MYOM3: variants seen among roughly 807,000 people sequenced by gnomAD.
MYOM3 encodes myomesin-3.
MYOM3 carries 155 observed loss-of-function variants against 191.7 expected under a neutral mutation model. The ratio of observed to expected loss-of-function variants is 0.81; its 90% CI spans 0.71 to 0.92. The LOEUF is 0.92. Among genes scored for constraint, MYOM3 ranks in the 40% least tolerant of loss-of-function variants. The pLI is 0.00. For missense variants in MYOM3, 1,889 were observed against 1,890.6 expected, an observed-to-expected ratio of 1.00 and a Z score of 0.02; for synonymous variants, 757 against 762.9, an observed-to-expected ratio of 0.99 and a Z score of 0.13.
chr1:24,060,491 G>C (rs1368601366), intron 35 of MYOM3, among the ~76,000 whole-genome samples: 1 of 152,142 alleles, frequency 6.6e-6, no homozygotes, highest in African/African-American at 2.4e-5. Flanking sequence ...GCCTGCCCGG[G>C]TCTTTCCCTC....
chr1:24,067,080 A>G lies in MYOM3; in HGVS notation c.3364T>C (p.Phe1122Leu). ...ACCTTCCACTGCAACGGCCGCTCAAAATAGGGACCTGTGCGTGCAAAACAA... is the reference window on the plus strand; with the variant it reads ...ACCTTCCACTGCAACGGCCGCTCAAGATAGGGACCTGTGCGTGCAAAACAA... The part of the protein sequence containing the change: ...RDWKRKQGPY[F>L]ERPLQWKVTE... The change falls in exon 28 of 37, where the codon TTT becomes CTT. Residue 1122 changes from phenylalanine to leucine, a missense_variant. Coordinates refer to ENST00000374434, the MANE Select transcript of MYOM3 (RefSeq NM_152372.4). 6.4e-7 allele frequency: 1 copy of G among 1,574,532 alleles called. No individual in the cohort carries two copies. The highest frequency in any genetic ancestry group is 8.6e-7 in the Non-Finnish European group (1 of 1,157,782).
At chr1:24,108,126 C>T (rs755219190) in intron 2 of MYOM3, 53 bp from the exon 3 acceptor site, 1 of 1,558,922 alleles carries the variant, frequency 6.4e-7, no homozygotes. Flanking sequence ...GCTGGGGGCT[C>T]CCTGAGATTA....
chr1:24,065,991 G>A lies in MYOM3; in HGVS notation c.3434C>T (p.Thr1145Ile). 1.2e-6 allele frequency: 2 copies of A among 1,612,692 alleles called. No individual in the cohort carries two copies. Among genetic ancestry groups the A allele is most frequent in the East Asian group, 4.5e-5 (2 of 44,872 alleles). Reference protein sequence around the residue: ...QVQLTCKVTNTKKETRFQWFF... With the variant: ...QVQLTCKVTNIKKETRFQWFF... Reference sequence around the variant, plus strand: ...CCACTGAAAGCGAGTCTCCTTCTTGGTGTTGGTCACCTGGGGAAGGTGGGG... The same window carrying A: ...CCACTGAAAGCGAGTCTCCTTCTTGATGTTGGTCACCTGGGGAAGGTGGGG... The change falls in exon 29 of 37, where the codon ACC becomes ATC. Residue 1145 changes from threonine to isoleucine, a missense_variant. Coordinates refer to ENST00000374434, the MANE Select transcript of MYOM3 (RefSeq NM_152372.4).
At chr1:24,096,663 C>A (rs912591176) in intron 7 of MYOM3, among the ~76,000 whole-genome samples, 2 of 152,140 alleles carry the variant, frequency 1.3e-5, no homozygotes, top group Non-Finnish European at 2.9e-5. Context: ...GGCCTGGGAT[C>A]CACCTGTCTA....
intron 1 of MYOM3, among the ~76,000 whole-genome samples, chr1:24,109,227 G>C (rs1344451710): frequency 2.0e-5 from 3 of 152,184 alleles, no homozygotes; most frequent in Admixed American, 2.0e-4. Flanking sequence ...TTAGCAGAGA[G>C]ACTCTGAGTC....
In MYOM3 at chr1:24,100,910, T is replaced by C. The variant is rs562858900; in HGVS notation, c.561-1135A>G. Among the ~76,000 whole-genome samples the C allele has an allele frequency of 6.5e-4, 94 of 144,206 alleles. 1 individual carries two copies. The highest frequency in any genetic ancestry group is 2.7e-3 in the South Asian group (12 of 4,496). The allele number at this position is 144,206 out of a possible 152,430, so 94.6% of individuals were successfully genotyped here. ...TCAAAAAAAAAAAAAAAGGAAAAAA[T>C]CTCCATGTTCAGTTTTTGAACATAC... On this transcript the variant is annotated intron_variant, in intron 5 of 36. Coordinates refer to ENST00000374434, the MANE Select transcript of MYOM3 (RefSeq NM_152372.4).
intron 27 of MYOM3, 130 bp downstream of exon 27, chr1:24,067,840 A>AACTGGAC: frequency 1.2e-6 from 1 of 867,758 alleles, no homozygotes; most frequent in Non-Finnish European, 1.9e-6. Context: ...ACTGGGACAG[A>AACTGGAC]ACTGGACTGA....
rs1051067227 is a variant in MYOM3 at position 24,111,472 on chromosome 1, C to T, written c.-19+559G>A. 6.6e-6 allele frequency among the ~76,000 whole-genome samples: 1 copy of T among 152,194 alleles called. No homozygotes were observed. Among genetic ancestry groups the T allele is most frequent in the African/African-American group, 2.4e-5 (1 of 41,446 alleles). On this transcript the variant is annotated intron_variant, in intron 1 of 36. Coordinates refer to ENST00000374434, the MANE Select transcript of MYOM3 (RefSeq NM_152372.4). The surrounding 1 kb of genome is among the most constrained non-coding windows in gnomAD (Gnocchi z 4.7). The stretch of plus-strand genomic sequence containing the variant: ...CTTAGCCAGTGGCTCCACCAGCTTC[C>T]GCGAGGCCGAATCCTGCCCTTGCCA...
At chr1:24,071,837 C>T in intron 24 of MYOM3, 132 bp downstream of exon 24, 2 of 929,804 alleles carry the variant, frequency 2.2e-6, no homozygotes, top group Non-Finnish European at 3.5e-6. Flanking sequence ...GACCTTCTAG[C>T]TCTGTGATTC....
intron 6 of MYOM3, among the ~76,000 whole-genome samples, chr1:24,098,961 C>T (rs908953490): frequency 6.6e-6 from 1 of 152,122 alleles, no homozygotes; most frequent in African/African-American, 2.4e-5. Flanking sequence ...TCATCACCTG[C>T]GACATGGGGT....
chr1:24,095,110 G>A, intron 8 of MYOM3, 120 bp from the exon 9 acceptor site: 1 of 1,106,384 alleles, frequency 9.0e-7, no homozygotes, highest in Non-Finnish European at 1.3e-6. Flanking sequence ...AGGAGAAGGG[G>A]ACCTGGCCTT....
At chr1:24,073,788 G>A (rs949201309) in intron 23 of MYOM3, among the ~76,000 whole-genome samples, 3 of 150,106 alleles carry the variant, frequency 2.0e-5, no homozygotes, top group African/African-American at 4.9e-5. Flanking sequence ...GCTTGAACCC[G>A]GGAGGCGGAG....
intron 5 of MYOM3, among the ~76,000 whole-genome samples, chr1:24,102,994 C>G (rs1300311508): frequency 6.6e-6 from 1 of 152,188 alleles, no homozygotes; most frequent in East Asian, 1.9e-4. Flanking sequence ...GATGGAAAAC[C>G]AGATCCACCA....
At position 24,108,501 on chromosome 1, in the gene MYOM3, C is replaced by G; in HGVS notation, c.136G>C (p.Val46Leu). Residue 46 changes from valine (V) to leucine (L), a missense_variant, in exon 2 of 37, where the codon GTG becomes CTG. Coordinates refer to ENST00000374434, the MANE Select transcript of MYOM3 (RefSeq NM_152372.4). ...RQHSLRMGSSVRRRTFRSSEE... is the reference protein window; with the variant it reads ...RQHSLRMGSSLRRRTFRSSEE... ...CTGCTGCGGAAGGTCCGCCTCCGCA[C>G]AGAGGAGCCCATGCGCAGGCTGTGC... 1 of 1,577,518 alleles carries G rather than the reference C, an allele frequency of 6.3e-7. No homozygotes were observed. Among genetic ancestry groups the G allele is most frequent in the Non-Finnish European group, 8.6e-7 (1 of 1,162,146 alleles).
rs1006987321 is a variant in MYOM3 at position 24,071,112 on chromosome 1, A to G, written c.3150+5T>C. On this transcript the variant is annotated splice_donor_5th_base_variant and intron_variant, in intron 25 of 36. Transcript: ENST00000374434. ...TCACTTCAGGGATTGTGAGCACCCA[A>G]TTACCGGCGAGCTGAAGATCTCCTT... is the stretch of plus-strand genomic sequence containing the variant. 25 of 1,613,384 alleles carry G rather than the reference A, an allele frequency of 1.5e-5. No individual in the cohort carries two copies. Among genetic ancestry groups the G allele is most frequent in the Admixed American group, 5.0e-5 (3 of 59,966 alleles).
Position 24,067,079 on chromosome 1 carries a change from A to G in MYOM3, c.3365T>C (p.Phe1122Ser), listed in dbSNP as rs1643445979. The change falls in exon 28 of 37, where the codon TTT (phenylalanine) becomes TCT (serine). Residue 1122 changes from phenylalanine to serine, a missense_variant. Transcript: ENST00000374434. ...GACCTTCCACTGCAACGGCCGCTCA[A>G]AATAGGGACCTGTGCGTGCAAAACA... The part of the protein sequence containing the change: ...RDWKRKQGPY[F>S]ERPLQWKVTE... The G allele has an allele frequency of 1.9e-6, 3 of 1,574,658 alleles. No individual in the cohort carries two copies. Among genetic ancestry groups the G allele is most frequent in the Admixed American group, 1.8e-5 (1 of 55,476 alleles).
In MYOM3 at chr1:24,057,365, C is replaced by A. The variant is rs766081837; in HGVS notation, c.4313G>T (p.Ter1438LeuextTer16). 1 of 1,612,500 alleles carries A rather than the reference C, an allele frequency of 6.2e-7. No individual in the cohort carries two copies. The highest frequency in any genetic ancestry group is 8.5e-7 in the Non-Finnish European group (1 of 1,179,494). ...GDEPKELKSM[*>L] ...CAGACTGTGCCTGGACACACGCTGTCACATGCTCTTCAGCTCCTTGGGCTC... is the reference window on the plus strand; with the variant it reads ...CAGACTGTGCCTGGACACACGCTGTAACATGCTCTTCAGCTCCTTGGGCTC... Residue 1438 changes from the stop codon to leucine, a stop_lost, in exon 37 of 37, where the codon TGA becomes TTA. Transcript: ENST00000374434.
At chr1:24,098,111 C>G in intron 6 of MYOM3, 100 bp from the exon 7 acceptor site, 1 of 796,644 alleles carries the variant, frequency 1.3e-6, no homozygotes, top group Non-Finnish European at 2.2e-6. Flanking sequence ...TAAGGAAAGC[C>G]TCACGGTGCC....
intron 22 of MYOM3, 82 bp from the exon 23 acceptor site, chr1:24,074,351 G>T: frequency 9.6e-7 from 1 of 1,045,208 alleles, no homozygotes; most frequent in Non-Finnish European, 1.4e-6. Flanking sequence ...GGGAGTCCAG[G>T]TTGCTTCTGG....
Sources: gnomAD v4.1 joint callset for allele counts (sites outside exome capture counted in the v4.1 genomes callset) on GRCh38, gnomAD v4.1.1 for gene constraint, Gnocchi (gnomAD v3.1) non-coding constraint, MANE v1.5 for transcripts, NCBI Gene and HGNC (gene_info 2026-07-23, HGNC 2026-07-21) for gene names.